The following VAV1 variants were observed in gnomAD, a reference collection of about 807,000 sequenced individuals.
The protein encoded by VAV1 is proto-oncogene vav.
In VAV1, 33 loss-of-function variants were observed where a neutral mutation model predicts 128.1. The observed-to-expected ratio is 0.26, with a 90% confidence interval of 0.20 to 0.34. VAV1 has a LOEUF of 0.34. Among genes scored for constraint, VAV1 ranks in the 10% least tolerant of loss-of-function variants. The probability of loss-of-function intolerance (pLI) is 1.00; values close to 1 mark genes in which losing one functional copy is unlikely to be tolerated. For synonymous variants in VAV1, 394 were observed against 409.8 expected (o/e 0.96, Z 0.47); for missense variants, 715 against 1,093.7 (o/e 0.65, Z 4.88).
At chr19:6,773,108 C>T in intron 1 of VAV1, 97 bp downstream of exon 1, 2 of 1,487,106 alleles carry the variant, frequency 1.3e-6, no homozygotes, top group South Asian at 2.4e-5. Context: ...ACCTCTGGGC[C>T]TGCAAAGGAG....
chr19:6,818,991 T>C (rs1414824573), intron 1 of VAV1, among the ~76,000 whole-genome samples: 5 of 151,898 alleles, frequency 3.3e-5, no homozygotes, highest in Non-Finnish European at 7.4e-5. Context: ...TGGCGGGTGC[T>C]TGTAATCCCA....
intron 25 of VAV1, among the ~76,000 whole-genome samples, chr19:6,853,559 A>G (rs1357702429): frequency 3.3e-5 from 5 of 151,190 alleles, no homozygotes; most frequent in African/African-American, 1.2e-4. Flanking sequence ...CTCCATCTCT[A>G]CTAAAAAAAA....
Position 6,804,758 on chromosome 19 carries a change from C to T in VAV1, c.205-15944C>T, listed in dbSNP as rs531679122. ...TTTTTTTTTGAGACGGAGTCTTGCT[C>T]TGTCGCACAGGCTGGAGTGCAGTGG... On this transcript the variant is annotated intron_variant, in intron 1 of 26. Transcript: ENST00000602142. 3.5e-5 allele frequency among the ~76,000 whole-genome samples: 5 copies of T among 142,944 alleles called. No homozygotes were observed. The South Asian group carries it at 1.1e-3, about 32-fold the overall frequency. The allele number at this position is 142,944 out of a possible 152,430, so 93.8% of individuals were successfully genotyped here.
At chr19:6,782,857 C>T (rs567931076) in intron 1 of VAV1, among the ~76,000 whole-genome samples, 12 of 149,868 alleles carry the variant, frequency 8.0e-5, no homozygotes, top group African/African-American at 2.9e-4. Flanking sequence ...CAGTCCAGCC[C>T]GGGTGACAGA....
chr19:6,777,278 CA>C lies in VAV1; in HGVS notation c.204+4268del, dbSNP rs1970667816. Among the ~76,000 whole-genome samples, 1 of 145,834 alleles carries C rather than the reference CA, an allele frequency of 6.9e-6. No individual in the cohort carries two copies. Among genetic ancestry groups the C allele is most frequent in the East Asian group, 1.9e-4 (1 of 5,152 alleles). ...CCATCCATCCATCCATCCATCCATC[CA>C]TCCATCCAGCAATGACAAGGTCTGC... On this transcript the variant is annotated intron_variant, in intron 1 of 26. Coordinates refer to ENST00000602142, the MANE Select transcript of VAV1 (RefSeq NM_005428.4). The surrounding 1 kb of genome is among the most constrained non-coding windows in gnomAD (Gnocchi z 4.4).
At position 6,853,053 on chromosome 19, in the gene VAV1, A is replaced by C. The variant is rs1017952782; in HGVS notation, c.2306A>C (p.Glu769Ala). The C allele has an allele frequency of 8.1e-6, 13 of 1,611,356 alleles. No homozygotes were observed. The highest frequency in any genetic ancestry group is 1.1e-5 in the Non-Finnish European group (13 of 1,178,282). The change falls in exon 25 of 27, where the codon GAA (glutamate) becomes GCA (alanine). Residue 769 changes from glutamate (E) to alanine (A), a missense_variant. Physicochemically the swap from Glu to Ala is moderately radical, Grantham distance 107 (BLOSUM62 -1). Around this residue, in one of 3 missense-constraint regions of VAV1, gnomAD observed 407 missense variants for 580.6 expected, o/e 0.70. Coordinates refer to ENST00000602142, the MANE Select transcript of VAV1 (RefSeq NM_005428.4). ...TTGCAGTTCCCCTTCAAGGAGCCTG[A>C]AAAGAGAACCATCAGCAGGCCAGCA... ...TTLQFPFKEP[E>A]KRTISRPAVG...
intron 19 of VAV1, chr19:6,836,189 A>C: frequency 2.3e-6 from 1 of 434,904 alleles, no homozygotes; most frequent in Non-Finnish European, 4.1e-6. Context: ...ACATGTTTTC[A>C]TTTCTCTTGG....
chr19:6,822,477 A>G lies in VAV1; in HGVS notation c.617A>G (p.Glu206Gly), dbSNP rs1198128245. 1 of 1,559,426 alleles carries G rather than the reference A, an allele frequency of 6.4e-7. No homozygotes were observed. The highest frequency in any genetic ancestry group is 1.9e-5 in the Admixed American group (1 of 52,316). ...CCCLREIQQT[E>G]EKYTDTLGSI... Reference sequence around the variant, plus strand: ...TGCCTGCGGGAGATCCAGCAGACGGAGGAGAAGTACACTGACACGCTGGGC... The same window carrying G: ...TGCCTGCGGGAGATCCAGCAGACGGGGGAGAAGTACACTGACACGCTGGGC... The change falls in exon 6 of 27, where the codon GAG becomes GGG. Residue 206 changes from glutamate to glycine, a missense_variant. By Grantham distance (98) the Glu-to-Gly change is moderately conservative. Coordinates refer to ENST00000602142, the MANE Select transcript of VAV1 (RefSeq NM_005428.4). The surrounding 1 kb of genome is among the most constrained non-coding windows in gnomAD (Gnocchi z 5.9).
In VAV1 at chr19:6,804,241, T is replaced by G. The variant is rs1318067051; in HGVS notation, c.205-16461T>G. On this transcript the variant is annotated intron_variant, in intron 1 of 26. Transcript: ENST00000602142. ...GGGCTTAGCCTGTGAGGCTTCTTGGTTTCACCCAAGAAGCCTCACAGGCTA... is the reference window on the plus strand; with the variant it reads ...GGGCTTAGCCTGTGAGGCTTCTTGGGTTCACCCAAGAAGCCTCACAGGCTA... 2.0e-5 allele frequency among the ~76,000 whole-genome samples: 3 copies of G among 150,620 alleles called. No homozygotes were observed. In the East Asian group the frequency reaches 5.9e-4, roughly 30 times the overall value.
intron 1 of VAV1, among the ~76,000 whole-genome samples, chr19:6,794,077 T>TACCAATAAATCAACGGTAAATG (rs1568288194): frequency 0.014 from 1,353 of 95,390 alleles, 58 homozygotes; most frequent in Middle Eastern, 0.031. Context: ...GTAAATGATT[T>TACCAATAAATCAACGGTAAATG]ATTTACCAAT....
Position 6,821,822 on chromosome 19 carries a change from G to T in VAV1, c.412G>T (p.Asp138Tyr). ...CCCCACCGAGGAGGAGAGTGTAGGTGATGAAGACATCTACAGTGGCCTGTC... is the reference window on the plus strand; with the variant it reads ...CCCCACCGAGGAGGAGAGTGTAGGTTATGAAGACATCTACAGTGGCCTGTC... ...PFPTEEESVGDEDIYSGLSDQ... is the reference protein window; with the variant it reads ...PFPTEEESVGYEDIYSGLSDQ... Residue 138 changes from aspartate to tyrosine, a missense_variant, in exon 4 of 27, where the codon GAT (aspartate) becomes TAT (tyrosine). Asp to Tyr is a radical substitution (Grantham distance 160, BLOSUM62 -3). Transcript: ENST00000602142. The T allele has an allele frequency of 1.2e-6, 2 of 1,614,214 alleles. No homozygotes were observed. The highest frequency in any genetic ancestry group is 1.7e-6 in the Non-Finnish European group (2 of 1,180,032).
chr19:6,852,227 C>T (rs1018908548), intron 24 of VAV1, among the ~76,000 whole-genome samples: 1 of 152,142 alleles, frequency 6.6e-6, no homozygotes, highest in Non-Finnish European at 1.5e-5. Flanking sequence ...GTTGCCCAGG[C>T]TGGTCTTGAA....
At chr19:6,856,146 A>T (rs11879038) in intron 26 of VAV1, among the ~76,000 whole-genome samples, 10,106 of 152,162 alleles carry the variant, frequency 0.066, 1,105 homozygotes, top group African/African-American at 0.23. Context: ...GATACAAAAA[A>T]ATTAGCTGGG....
chr19:6,814,705 T>C (rs999205146), intron 1 of VAV1, among the ~76,000 whole-genome samples: 248 of 134,120 alleles, frequency 1.8e-3, no homozygotes, highest in African/African-American at 7.8e-3. Flanking sequence ...TCTTTCTTTC[T>C]TTCTTTCTTT....
chr19:6,808,022 T>TA (rs990261535), intron 1 of VAV1, among the ~76,000 whole-genome samples: 21 of 142,910 alleles, frequency 1.5e-4, no homozygotes, highest in South Asian at 2.2e-4. Context: ...AAGAAAAAGT[T>TA]AAAAAAAAGG....
At chr19:6,801,454 G>A (rs59248208) in intron 1 of VAV1, among the ~76,000 whole-genome samples, 3,660 of 152,056 alleles carry the variant, frequency 0.024, 96 homozygotes, top group African/African-American at 0.065. Context: ...GAAGAGAGAC[G>A]GGCTTCCTCA....
At chr19:6,817,038 T>A (rs1282425490) in intron 1 of VAV1, among the ~76,000 whole-genome samples, 1 of 151,756 alleles carries the variant, frequency 6.6e-6, no homozygotes, top group Non-Finnish European at 1.5e-5. Context: ...GTAGTAGGCA[T>A]CCAAGAAATG....
chr19:6,809,025 G>A (rs1028991926), intron 1 of VAV1, among the ~76,000 whole-genome samples: 5 of 151,838 alleles, frequency 3.3e-5, no homozygotes, highest in Non-Finnish European at 5.9e-5. Flanking sequence ...GGGCTAAAGC[G>A]AGCCACAAGA....
At chr19:6,789,187 A>C (rs1182370086) in intron 1 of VAV1, among the ~76,000 whole-genome samples, 1 of 152,192 alleles carries the variant, frequency 6.6e-6, no homozygotes. Context: ...GGCTGAGAAC[A>C]GCAAAGAAGA....
Sources: allele counts gnomAD v4.1 joint callset (sites outside exome capture counted in the v4.1 genomes callset), GRCh38; gene constraint gnomAD v4.1.1; regional missense constraint gnomAD v4.1.1; non-coding constraint Gnocchi (gnomAD v3.1); transcripts MANE v1.5; gene names NCBI Gene and HGNC (gene_info 2026-07-23, HGNC 2026-07-21).